Variants in SCAF11 observed in about 807,000 individuals in gnomAD.
SCAF11 encodes the protein protein SCAF11.
A neutral mutation model predicts 140.5 loss-of-function variants in SCAF11; 47 were observed. The ratio of observed to expected loss-of-function variants is 0.33; its 90% CI spans 0.26 to 0.43. SCAF11 has a LOEUF of 0.43. SCAF11 is among the 20% of genes least tolerant of loss of function. The pLI is 1.00. For missense variants in SCAF11, 1,645 were observed against 1,705.1 expected (o/e 0.96, Z 0.62); for synonymous variants, 557 against 579.4 (o/e 0.96, Z 0.55).
chr12:45,980,308 C>T (rs949997195), intron 1 of SCAF11, among the ~76,000 whole-genome samples: 2 of 152,140 alleles, frequency 1.3e-5, no homozygotes, highest in Admixed American at 1.3e-4. Flanking sequence ...CCTTCTTTAT[C>T]ACTATATTAC....
At chr12:45,966,036 C>A (rs535701319) in intron 1 of SCAF11, among the ~76,000 whole-genome samples, 1 of 152,104 alleles carries the variant, frequency 6.6e-6, no homozygotes, top group South Asian at 2.1e-4. Flanking sequence ...GGAATATTTC[C>A]CACTCTTAGC....
rs549862374 is a variant in SCAF11 at position 45,925,644 on chromosome 12, T to TA, written c.3559+497dup. 7.6e-4 allele frequency among the ~76,000 whole-genome samples: 112 copies of TA among 147,714 alleles called. No homozygotes were observed. The East Asian group carries it at 0.013, about 17-fold the overall frequency. The stretch of plus-strand genomic sequence containing the variant: ...TCAGTAGCTCAAGAAACTGACTAGT[T>TA]AAAAAAAAAAATCACATAAAATTTA... On this transcript the variant is annotated intron_variant, in intron 11 of 14. Transcript: ENST00000369367.
In SCAF11 at chr12:45,961,857, C is replaced by A; in HGVS notation, c.62G>T (p.Gly21Val). Residue 21 changes from glycine to valine, a missense_variant and splice_region_variant, in exon 3 of 15, where the codon GGT becomes GTT. Physicochemically the swap from Gly to Val is moderately radical, Grantham distance 109. Coordinates refer to ENST00000369367, the MANE Select transcript of SCAF11 (RefSeq NM_004719.3). ...AATAGTATTATCTCCGTTTTCTTCACCTGTTAAAGTAAAACAGCCATATGT... is the reference window on the plus strand; with the variant it reads ...AATAGTATTATCTCCGTTTTCTTCAACTGTTAAAGTAAAACAGCCATATGT... ...MGDKKYEDME[G>V]EENGDNTIST... The A allele has an allele frequency of 6.3e-7, 1 of 1,597,282 alleles. No individual in the cohort carries two copies.
At chr12:45,938,493 AAAAC>A (rs111522666) in intron 6 of SCAF11, among the ~76,000 whole-genome samples, 44 of 136,824 alleles carry the variant, frequency 3.2e-4, no homozygotes, top group Non-Finnish European at 5.1e-4. Flanking sequence ...GCATCTCAAA[AAAAC>A]AAACAAACAA....
At chr12:45,930,242 T>A (rs1378343364) in intron 10 of SCAF11, among the ~76,000 whole-genome samples, 1 of 152,226 alleles carries the variant, frequency 6.6e-6, no homozygotes, top group Non-Finnish European at 1.5e-5. Flanking sequence ...ATAATTTTGC[T>A]TCTTGGGAGC....
chr12:45,938,558 A>C (rs1052267977), intron 6 of SCAF11, among the ~76,000 whole-genome samples: 3 of 152,074 alleles, frequency 2.0e-5, no homozygotes, highest in African/African-American at 7.2e-5. Context: ...ATTTTAGTAG[A>C]GATTTGGGAT....
Position 45,955,254 on chromosome 12 carries a change from T to C in SCAF11, c.220-3527A>G, listed in dbSNP as rs1378135777. 3 of 152,226 alleles carry C rather than the reference T, an allele frequency of 2.0e-5. No homozygotes were observed. In the East Asian group the frequency reaches 5.8e-4, roughly 29 times the overall value. 9.4% of individuals were successfully genotyped at this position (152,226 alleles called of 1,614,324 possible). A position where few individuals can be genotyped will look rare whatever the true frequency, so the allele number is the denominator to read the frequency against. On this transcript the variant is annotated intron_variant, in intron 3 of 14. Transcript: ENST00000369367. ...TCACTGCAACCTCAACCTCCTAGGT[T>C]CAAGCGATGGCCTCACCTCAGTTTC...
Position 45,933,042 on chromosome 12 carries a change from T to C in SCAF11, c.734+89A>G, listed in dbSNP as rs1453569740. 1.3e-5 allele frequency: 11 copies of C among 828,322 alleles called. No homozygotes were observed. In the East Asian group the frequency reaches 2.8e-4, roughly 21 times the overall value. 51.3% of individuals were successfully genotyped at this position (828,322 alleles called of 1,614,324 possible). A position where few individuals can be genotyped will look rare whatever the true frequency, so the allele number is the denominator to read the frequency against. ...CAAAACTTCCTTAGGAAAATAACAATTGAATAAGGTACCCTTGTACTTAAG... is the reference window on the plus strand; with the variant it reads ...CAAAACTTCCTTAGGAAAATAACAACTGAATAAGGTACCCTTGTACTTAAG... On this transcript the variant is annotated intron_variant, in intron 9 of 14. Transcript: ENST00000369367.
In SCAF11 at chr12:45,926,923, TTCTC is replaced by T. The variant is rs749292193; in HGVS notation, c.2774_2777del (p.Arg925LysfsTer80). On this transcript the variant is annotated frameshift_variant, in exon 11 of 15. Coordinates refer to ENST00000369367, the MANE Select transcript of SCAF11 (RefSeq NM_004719.3). LOFTEE classifies it high-confidence loss of function. ...ACCTAGACCACTTTCTGGTTCTCCTTTCTCTCTCTCTCCTCTGCCCATCTCTATC... is the reference window on the plus strand; with the variant it reads ...ACCTAGACCACTTTCTGGTTCTCCTTTCTCTCTCCTCTGCCCATCTCTATC... 6.2e-7 allele frequency: 1 copy of T among 1,612,482 alleles called. No homozygotes were observed. Among genetic ancestry groups the T allele is most frequent in the Non-Finnish European group, 8.5e-7 (1 of 1,179,800 alleles).
chr12:45,972,944 A>C (rs1196354561), intron 1 of SCAF11, among the ~76,000 whole-genome samples: 1 of 133,136 alleles, frequency 7.5e-6, no homozygotes, highest in Non-Finnish European at 1.6e-5. Context: ...ATATAGATAT[A>C]TATATAGATA....
intron 3 of SCAF11, among the ~76,000 whole-genome samples, chr12:45,952,225 T>C (rs561251954): frequency 6.6e-6 from 1 of 152,314 alleles, no homozygotes; most frequent in South Asian, 2.1e-4. Flanking sequence ...CTCAGCCACC[T>C]AGATGGCCAC....
chr12:45,935,143 T>C (rs1350516086), intron 6 of SCAF11: 1 of 152,244 alleles, frequency 6.6e-6, no homozygotes. Flanking sequence ...ATTTTCCCCC[T>C]TGCTTGCCTC....
At chr12:45,989,785 C>T (rs1946545538) in intron 1 of SCAF11, among the ~76,000 whole-genome samples, 1 of 152,226 alleles carries the variant, frequency 6.6e-6, no homozygotes, top group African/African-American at 2.4e-5. Flanking sequence ...GAAGCGCCGG[C>T]TCTTCCCCAT....
chr12:45,927,135 C>CAATA lies in SCAF11; in HGVS notation c.2562_2565dup (p.Ala856TyrfsTer19). On this transcript the variant is annotated frameshift_variant, in exon 11 of 15. Transcript: ENST00000369367. LOFTEE classifies it high-confidence loss of function. ...GACTGAGATTGCCTCCTTTCTCTTG[C>CAATA]AATATCCTTTTTTGGGGACTGAGAA... is the stretch of plus-strand genomic sequence containing the variant. 6.2e-7 allele frequency: 1 copy of CAATA among 1,614,146 alleles called. No individual in the cohort carries two copies.
chr12:45,963,725 T>C (rs1029776219), intron 2 of SCAF11, among the ~76,000 whole-genome samples: 1 of 152,190 alleles, frequency 6.6e-6, no homozygotes, highest in African/African-American at 2.4e-5. Flanking sequence ...ATTAGGATGA[T>C]CAGAGTTAAA....
rs539528504 is a variant in SCAF11, at chr12:45,949,624, G to C, written c.298-1087C>G. ...AGACATTGAGCAGAAAAAAACAGAT[G>C]AGGGAGAGAAAACTGGAAAAGTCCC... On this transcript the variant is annotated intron_variant, in intron 4 of 14. Transcript: ENST00000369367. Among the ~76,000 whole-genome samples, 8 of 152,204 alleles carry C rather than the reference G, an allele frequency of 5.3e-5. No homozygotes were observed. The South Asian group carries it at 1.7e-3, about 32-fold the overall frequency.
At chr12:45,924,445 A>T (rs915480402) in intron 12 of SCAF11, among the ~76,000 whole-genome samples, 2 of 152,228 alleles carry the variant, frequency 1.3e-5, no homozygotes, top group African/African-American at 4.8e-5. Context: ...AATTTGGCTT[A>T]TAATTTGGTT....
At chr12:45,922,295 CTTA>C (rs1401759223) in intron 14 of SCAF11, 101 bp from the exon 15 acceptor site, 1 of 1,466,922 alleles carries the variant, frequency 6.8e-7, no homozygotes. Context: ...GATAACCAGA[CTTA>C]TTTTCATGTT....
In SCAF11 at chr12:45,978,272, A is replaced by T. The variant is rs574361659; in HGVS notation, c.-22+12081T>A. Among the ~76,000 whole-genome samples the T allele has an allele frequency of 4.6e-5, 7 of 152,268 alleles. No homozygotes were observed. The South Asian group carries it at 1.5e-3, about 32-fold the overall frequency. On this transcript the variant is annotated intron_variant, in intron 1 of 14. Coordinates refer to ENST00000369367, the MANE Select transcript of SCAF11 (RefSeq NM_004719.3). ...AAGTTATGGAGGACAGAACACAAAG[A>T]GTTGGTTACACAATCTTCATTTATC...
Sources: allele counts gnomAD v4.1 joint callset (sites outside exome capture counted in the v4.1 genomes callset), GRCh38; gene constraint gnomAD v4.1.1; transcripts MANE v1.5; gene names NCBI Gene and HGNC (gene_info 2026-07-23, HGNC 2026-07-21).